Variants in PRIM2 observed in about 807,000 individuals in gnomAD.
PRIM2 encodes DNA primase large subunit.
In PRIM2, 39 loss-of-function variants were observed where a neutral mutation model predicts 67.3. The ratio of observed to expected loss-of-function variants is 0.58; its 90% CI spans 0.45 to 0.76. The LOEUF (loss-of-function observed/expected upper bound fraction) is 0.76, where lower values mean the gene tolerates loss of function less well. Among genes scored for constraint, PRIM2 ranks in the 30% least tolerant of loss-of-function variants. The pLI is 0.00. For synonymous variants in PRIM2, 143 were observed against 198.7 expected, an observed-to-expected ratio of 0.72 and a Z score of 2.36; for missense variants, 398 against 598.7, an observed-to-expected ratio of 0.66 and a Z score of 3.50.
At chr6:57,308,243 C>T in the PRIM2 span, among the ~76,000 whole-genome samples, 1 of 152,010 alleles carries the variant, frequency 6.6e-6, no homozygotes, top group Non-Finnish European at 1.5e-5. Context: ...CCACCTCAGC[C>T]CCCAGAGTAG....
At chr6:57,479,826 A>C (rs1213027667) in intron 7 of PRIM2, among the ~76,000 whole-genome samples, 1 of 152,226 alleles carries the variant, frequency 6.6e-6, no homozygotes, top group Non-Finnish European at 1.5e-5. Flanking sequence ...CAGCTAATAT[A>C]TATTGCAAGG....
At chr6:57,433,846 A>G (rs1310425424) in intron 7 of PRIM2, among the ~76,000 whole-genome samples, 1 of 152,010 alleles carries the variant, frequency 6.6e-6, no homozygotes, top group Non-Finnish European at 1.5e-5. Context: ...ATTATGTGGC[A>G]TATCTAGAAA....
chr6:57,282,305 T>C, the PRIM2 span, among the ~76,000 whole-genome samples: 1 of 152,212 alleles, frequency 6.6e-6, no homozygotes, highest in Admixed American at 6.5e-5. Context: ...ATTTGTTCCT[T>C]TGAATTTATT....
the PRIM2 span, among the ~76,000 whole-genome samples, chr6:57,265,095 A>C: frequency 6.6e-6 from 1 of 152,174 alleles, no homozygotes; most frequent in Admixed American, 6.5e-5. Context: ...CAGTGCTATA[A>C]AATGTTTATA....
chr6:57,588,624 C>T (rs1241136486), intron 10 of PRIM2, among the ~76,000 whole-genome samples: 7 of 151,788 alleles, frequency 4.6e-5, no homozygotes, highest in Non-Finnish European at 8.8e-5. Context: ...GGGAGCCTTC[C>T]ATTGTGGAGC....
intron 7 of PRIM2, among the ~76,000 whole-genome samples, chr6:57,406,622 C>T (rs1770901133): frequency 1.3e-5 from 2 of 152,042 alleles, no homozygotes; most frequent in Admixed American, 1.3e-4. Context: ...TGAAAATCGT[C>T]TGAGACTAGT....
chr6:57,448,337 A>G (rs1470352257), intron 7 of PRIM2, among the ~76,000 whole-genome samples: 6 of 152,096 alleles, frequency 3.9e-5, no homozygotes, highest in Admixed American at 3.9e-4. Context: ...AGGCATCAAC[A>G]TAGTTTTTGA....
intron 10 of PRIM2, among the ~76,000 whole-genome samples, chr6:57,591,818 C>T (rs1385485626): frequency 5.8e-4 from 88 of 151,794 alleles, no homozygotes; most frequent in African/African-American, 1.9e-3. Context: ...CCCATTACTA[C>T]GTATATACCC....
intron 7 of PRIM2, among the ~76,000 whole-genome samples, chr6:57,496,452 A>G (rs1774006413): frequency 6.6e-6 from 1 of 152,192 alleles, no homozygotes. Flanking sequence ...CCTCTTTTAA[A>G]CATTTACTAG....
chr6:57,307,876 T>C, the PRIM2 span, among the ~76,000 whole-genome samples: 9 of 152,252 alleles, frequency 5.9e-5, no homozygotes, highest in Non-Finnish European at 1.3e-4. Flanking sequence ...GAAATCTGTT[T>C]ATATGGTCCA....
chr6:57,435,432 TA>T (rs1273952212), intron 7 of PRIM2, among the ~76,000 whole-genome samples: 1 of 152,182 alleles, frequency 6.6e-6, no homozygotes, highest in African/African-American at 2.4e-5. Context: ...CTTCCCCTTT[TA>T]ACCCCCAGCC....
chr6:57,477,923 A>G (rs1272387119), intron 7 of PRIM2, among the ~76,000 whole-genome samples: 1 of 152,230 alleles, frequency 6.6e-6, no homozygotes, highest in Non-Finnish European at 1.5e-5. Flanking sequence ...TTCATAACGG[A>G]TCATCTATGT....
chr6:57,373,428 C>A (rs1769636114), intron 5 of PRIM2, among the ~76,000 whole-genome samples: 1 of 151,834 alleles, frequency 6.6e-6, no homozygotes, highest in East Asian at 1.9e-4. Flanking sequence ...TTGATAGATT[C>A]TTTTGCTGTG....
Position 57,355,440 on chromosome 6 carries a change from G to A in PRIM2, c.460-24461G>A, listed in dbSNP as rs573448299. ...AGATGTGGCAGGAAACAGACAACAG[G>A]TATGGGTCAGTGTTACTGCTGGGAA... is the stretch of plus-strand genomic sequence containing the variant. On this transcript the variant is annotated intron_variant, in intron 5 of 13. Transcript: ENST00000615550. Among the ~76,000 whole-genome samples, 587 of 152,294 alleles carry A rather than the reference G, an allele frequency of 3.9e-3. 1 individual carries two copies. The highest frequency in any genetic ancestry group is 0.013 in the African/African-American group (554 of 41,558).
chr6:57,500,398 A>G (rs1554346753), intron 7 of PRIM2, among the ~76,000 whole-genome samples: 7 of 152,344 alleles, frequency 4.6e-5, no homozygotes, highest in African/African-American at 1.7e-4. Flanking sequence ...ATTTACCTCT[A>G]GGAATTAACC....
At chr6:57,619,082 C>T (rs1383612425) in intron 12 of PRIM2, among the ~76,000 whole-genome samples, 4 of 152,218 alleles carry the variant, frequency 2.6e-5, no homozygotes, top group East Asian at 1.9e-4. Context: ...GACCCATAGA[C>T]GGTTCACATC....
chr6:57,433,896 T>C (rs1464117849), intron 7 of PRIM2, among the ~76,000 whole-genome samples: 1 of 151,576 alleles, frequency 6.6e-6, no homozygotes, highest in Non-Finnish European at 1.5e-5. Context: ...TTAATAGTTA[T>C]GTGGGACAAG....
chr6:57,545,041 G>A (rs1775256846), intron 10 of PRIM2, among the ~76,000 whole-genome samples: 1 of 152,112 alleles, frequency 6.6e-6, no homozygotes, highest in African/African-American at 2.4e-5. Context: ...ACAAGTTATA[G>A]AATTTAAGTC....
intron 5 of PRIM2, among the ~76,000 whole-genome samples, chr6:57,346,227 G>A (rs1768672504): frequency 1.3e-5 from 2 of 152,222 alleles, no homozygotes; most frequent in Admixed American, 1.3e-4. Flanking sequence ...CTTTGTTCAA[G>A]ATGGAGTTGC....
Sources: gnomAD v4.1 joint callset for allele counts (sites outside exome capture counted in the v4.1 genomes callset) on GRCh38, gnomAD v4.1.1 for gene constraint, MANE v1.5 for transcripts, NCBI Gene and HGNC (gene_info 2026-07-23, HGNC 2026-07-21) for gene names.